Variants in UBR3 observed in about 807,000 individuals in gnomAD.
The protein encoded by UBR3 is ubiquitin protein ligase E3 component n-recognin 3.
UBR3 carries 85 observed loss-of-function variants against 243.2 expected under a neutral mutation model. That is an observed-to-expected ratio of 0.35 (90% CI 0.29 to 0.42). The LOEUF (loss-of-function observed/expected upper bound fraction) is 0.42, where lower values mean the gene tolerates loss of function less well. UBR3 is among the 10% of genes least tolerant of loss of function. UBR3 has a pLI of 1.00. For synonymous variants in UBR3, 748 were observed against 799.8 expected (o/e 0.94, Z 1.09); for missense variants, 1,686 against 2,300.8 (o/e 0.73, Z 5.47).
At chr2:169,906,295 A>T in intron 10 of UBR3, 131 bp downstream of exon 10, 2 of 1,074,700 alleles carry the variant, frequency 1.9e-6, no homozygotes, top group South Asian at 3.9e-5. Context: ...ATGAAAACTG[A>T]CCTGAGACAG....
intron 5 of UBR3, among the ~76,000 whole-genome samples, chr2:169,887,674 A>C (rs889863209): frequency 6.6e-5 from 10 of 152,242 alleles, no homozygotes; most frequent in Non-Finnish European, 1.5e-5. Flanking sequence ...TAAGTAGAAA[A>C]TAAATATTAA....
intron 1 of UBR3, among the ~76,000 whole-genome samples, chr2:169,870,360 C>T (rs2083395914): frequency 6.6e-6 from 1 of 152,060 alleles, no homozygotes; most frequent in South Asian, 2.1e-4. Flanking sequence ...AACTCCTGGC[C>T]TCAAGTGATC....
intron 36 of UBR3, chr2:170,077,548 T>C: frequency 1.5e-6 from 1 of 684,036 alleles, no homozygotes; most frequent in Middle Eastern, 3.3e-4. Context: ...AAAGCAGACT[T>C]TAGTAACCAT....
chr2:169,876,530 T>C (rs1373707783), intron 3 of UBR3, among the ~76,000 whole-genome samples: 2 of 144,584 alleles, frequency 1.4e-5, no homozygotes, highest in East Asian at 3.9e-4. Context: ...TCTGCCTCTC[T>C]TTATTGTATT....
intron 24 of UBR3, among the ~76,000 whole-genome samples, chr2:169,974,271 T>C (rs2088317897): frequency 6.6e-6 from 1 of 152,192 alleles, no homozygotes; most frequent in Admixed American, 6.5e-5. Context: ...TTTGGCAGAA[T>C]TTAGCAGTGA....
chr2:169,843,600 AATT>A lies in UBR3; in HGVS notation c.545+15552_545+15554del, dbSNP rs1349501848. 3.3e-5 allele frequency among the ~76,000 whole-genome samples: 5 copies of A among 152,346 alleles called. No homozygotes were observed. The East Asian group carries it at 9.6e-4, about 29-fold the overall frequency. ...ATGTATGTAGTATTACACATGGAATAATTATTGACTATTGAACCAGTCTTGCAT... is the reference window on the plus strand; with the variant it reads ...ATGTATGTAGTATTACACATGGAATAATTGACTATTGAACCAGTCTTGCAT... On this transcript the variant is annotated intron_variant, in intron 1 of 38. Coordinates refer to ENST00000272793, the MANE Select transcript of UBR3 (RefSeq NM_172070.4).
intron 5 of UBR3, among the ~76,000 whole-genome samples, chr2:169,885,283 CAATT>C (rs1199563482): frequency 6.6e-6 from 1 of 152,036 alleles, no homozygotes; most frequent in Non-Finnish European, 1.5e-5. Context: ...GGAATTGTAA[CAATT>C]AAAAGATATT....
rs148312502 is a variant in UBR3 at position 170,010,536 on chromosome 2, T to G, written c.4367+1596T>G. ...TTTAGTGGAAGTTTTAGATCCTTAT[T>G]TCTTGGTTTAAGTTTGTAAGTAACT... On this transcript the variant is annotated intron_variant, in intron 29 of 38. Transcript: ENST00000272793. Among the ~76,000 whole-genome samples, 1,185 of 152,332 alleles carry G rather than the reference T, an allele frequency of 7.8e-3. 13 individuals are homozygous for G. Among genetic ancestry groups the G allele is most frequent in the African/African-American group, 0.026 (1,071 of 41,578 alleles).
chr2:169,831,247 T>C (rs1270411521), intron 1 of UBR3, among the ~76,000 whole-genome samples: 1 of 148,408 alleles, frequency 6.7e-6, no homozygotes, highest in African/African-American at 2.5e-5. Context: ...TTCAAGTGAT[T>C]CTCTACCTCA....
At chr2:170,032,550 T>G (rs370932599) in intron 31 of UBR3, among the ~76,000 whole-genome samples, 7 of 147,798 alleles carry the variant, frequency 4.7e-5, no homozygotes, top group African/African-American at 1.7e-4. Flanking sequence ...AAATTAAGCC[T>G]GAGTTTTTCT....
At position 170,079,756 on chromosome 2, in the gene UBR3, T is replaced by C. The variant is rs2091876475; in HGVS notation, c.5200-58T>C. 1.7e-5 allele frequency: 24 copies of C among 1,428,996 alleles called. No individual in the cohort carries two copies. The South Asian group carries it at 2.9e-4, about 17-fold the overall frequency. The allele number at this position is 1,428,996 out of a possible 1,614,324, so 88.5% of individuals were successfully genotyped here. Reference sequence around the variant, plus strand: ...TCTGTAAAAATACATTTAAAAAATATATTGTGTTAGTGACTTAAATACATA... The same window carrying C: ...TCTGTAAAAATACATTTAAAAAATACATTGTGTTAGTGACTTAAATACATA... On this transcript the variant is annotated intron_variant, in intron 36 of 38. Coordinates refer to ENST00000272793, the MANE Select transcript of UBR3 (RefSeq NM_172070.4).
chr2:169,984,764 T>C (rs900955529), intron 24 of UBR3, among the ~76,000 whole-genome samples: 1 of 152,114 alleles, frequency 6.6e-6, no homozygotes, highest in African/African-American at 2.4e-5. Flanking sequence ...TAAACCATGA[T>C]CCTAGTTTCT....
chr2:170,064,127 T>A (rs2105448973), intron 35 of UBR3, among the ~76,000 whole-genome samples: 1 of 152,362 alleles, frequency 6.6e-6, no homozygotes, highest in East Asian at 1.9e-4. Context: ...ATTCATATAC[T>A]TAGCCAGTTA....
chr2:170,016,888 T>C, intron 30 of UBR3: 2 of 844,124 alleles, frequency 2.4e-6, no homozygotes, highest in Non-Finnish European at 3.1e-6. Context: ...TGTGCCAATA[T>C]AGAAAAAGTC....
intron 26 of UBR3, among the ~76,000 whole-genome samples, chr2:169,998,246 A>T (rs2089568687): frequency 6.6e-6 from 1 of 152,228 alleles, no homozygotes; most frequent in Non-Finnish European, 1.5e-5. Context: ...AGAGCATAAT[A>T]ATTTTGAGGG....
chr2:169,846,932 T>C (rs2082499947), intron 1 of UBR3, among the ~76,000 whole-genome samples: 1 of 152,114 alleles, frequency 6.6e-6, no homozygotes, highest in African/African-American at 2.4e-5. Flanking sequence ...GACAAGGTTT[T>C]GCCATGTTGT....
chr2:170,012,449 G>A lies in UBR3; in HGVS notation c.4368-2832G>A, dbSNP rs16857441. Among the ~76,000 whole-genome samples, 696 of 152,106 alleles carry A rather than the reference G, an allele frequency of 4.6e-3. 6 individuals are homozygous for A. Among genetic ancestry groups the A allele is most frequent in the African/African-American group, 0.016 (655 of 41,502 alleles). The stretch of plus-strand genomic sequence containing the variant: ...TTCTCCATGAATTTACAGTTTAGTT[G>A]GAGAGATGGAACTAATATAACATCA... On this transcript the variant is annotated intron_variant, in intron 29 of 38. Coordinates refer to ENST00000272793, the MANE Select transcript of UBR3 (RefSeq NM_172070.4).
At chr2:170,068,290 A>G (rs1472852228) in intron 35 of UBR3, among the ~76,000 whole-genome samples, 1 of 152,040 alleles carries the variant, frequency 6.6e-6, no homozygotes, top group Non-Finnish European at 1.5e-5. Context: ...CCAATATGGT[A>G]AAACCCCGTC....
intron 6 of UBR3, among the ~76,000 whole-genome samples, chr2:169,894,694 G>C (rs2084514144): frequency 6.6e-6 from 1 of 152,134 alleles, no homozygotes; most frequent in African/African-American, 2.4e-5. Flanking sequence ...TAAAGCTGGG[G>C]TAGTGTTAAT....
Sources: gnomAD v4.1 joint callset for allele counts (sites outside exome capture counted in the v4.1 genomes callset) on GRCh38, gnomAD v4.1.1 for gene constraint, MANE v1.5 for transcripts, NCBI Gene and HGNC (gene_info 2026-07-23, HGNC 2026-07-21) for gene names.